Variants in DHX34 observed in about 807,000 individuals in gnomAD.
The protein encoded by DHX34 is probable ATP-dependent RNA helicase DHX34.
A neutral mutation model predicts 111.1 loss-of-function variants in DHX34; 96 were observed. The ratio of observed to expected loss-of-function variants is 0.86; its 90% CI spans 0.73 to 1.02. The LOEUF is 1.02. Ranked by LOEUF, DHX34 falls within the 50% of genes least tolerant of loss-of-function variation. The pLI is 0.00. For missense variants in DHX34, 1,560 were observed against 1,579.9 expected (o/e 0.99, Z 0.21); for synonymous variants, 688 against 670.4 (o/e 1.03, Z -0.41).
chr19:47,377,980 C>T (rs1343385265), intron 13 of DHX34, among the ~76,000 whole-genome samples: 1 of 152,150 alleles, frequency 6.6e-6, no homozygotes, highest in East Asian at 1.9e-4. Context: ...TCACGCAGCC[C>T]TGTGGGTCTC....
At chr19:47,381,677 T>C (rs574409219) in intron 16 of DHX34, 2 of 640,556 alleles carry the variant, frequency 3.1e-6, no homozygotes, top group South Asian at 2.2e-5. Context: ...TGCCACACAC[T>C]GGGGTTCAGT....
chr19:47,372,573 G>A, intron 7 of DHX34, 157 bp from the exon 8 acceptor site: 2 of 982,926 alleles, frequency 2.0e-6, no homozygotes, highest in Non-Finnish European at 2.4e-6. Context: ...CACAGCGCGT[G>A]GGTTTGAATC....
intron 7 of DHX34, among the ~76,000 whole-genome samples, chr19:47,371,332 C>T (rs1024084483): frequency 2.0e-5 from 3 of 152,228 alleles, no homozygotes; most frequent in African/African-American, 7.2e-5. Context: ...AACTGAGAGG[C>T]ACGGATGACC....
Position 47,353,348 on chromosome 19 carries a change from C to G in DHX34, c.318C>G (p.Ile106Met). ...GCACTTACGACCCACGTTACCGCAT[C>G]AACCTCTCTGTTCTTGGCCCTGCCA... is the stretch of plus-strand genomic sequence containing the variant. ...LPRTYDPRYR[I>M]NLSVLGPATR... The change falls in exon 2 of 17, where the codon ATC (isoleucine) becomes ATG (methionine). Residue 106 changes from isoleucine (I) to methionine (M), a missense_variant. By Grantham distance (10) the Ile-to-Met change is conservative (BLOSUM62 1). Transcript: ENST00000328771. The surrounding 1 kb of genome is among the most constrained non-coding windows in gnomAD (Gnocchi z 4.6). 1 of 1,614,200 alleles carries G rather than the reference C, an allele frequency of 6.2e-7. No individual in the cohort carries two copies. The highest frequency in any genetic ancestry group is 8.5e-7 in the Non-Finnish European group (1 of 1,180,036).
intron 7 of DHX34, among the ~76,000 whole-genome samples, chr19:47,372,328 G>C (rs576608186): frequency 6.6e-6 from 1 of 152,182 alleles, no homozygotes; most frequent in South Asian, 2.1e-4. Context: ...CTCTAGCGCG[G>C]AGGAGAGACG....
intron 4 of DHX34, chr19:47,359,751 CA>C (rs888376575): frequency 1.3e-6 from 1 of 744,772 alleles, no homozygotes; most frequent in African/African-American, 1.9e-5. Context: ...CACTGCACTC[CA>C]GCCTGGGCGA....
intron 14 of DHX34, 22 bp downstream of exon 14, chr19:47,380,007 G>T: frequency 6.4e-7 from 1 of 1,557,758 alleles, no homozygotes; most frequent in Non-Finnish European, 8.7e-7. Context: ...CAGGGTGCCC[G>T]TGCCTCCCTA....
At position 47,360,051 on chromosome 19, in the gene DHX34, C is replaced by A. The variant is rs1163832830; in HGVS notation, c.1356C>A (p.Ile452=). 6.2e-7 allele frequency: 1 copy of A among 1,613,946 alleles called. No individual in the cohort carries two copies. Residue 452 remains isoleucine, a synonymous_variant, in exon 5 of 17, where the codon ATC becomes ATA. Transcript: ENST00000328771. ...AGACCTCAGTCACCATTGACGGGATCCGCTTCGTAGTAGATTCCGGTAAGG... is the reference window on the plus strand; with the variant it reads ...AGACCTCAGTCACCATTGACGGGATACGCTTCGTAGTAGATTCCGGTAAGG... The part of the protein sequence containing the change: ...IAETSVTIDG[I]RFVVDSGKVK...
At position 47,376,421 on chromosome 19, in the gene DHX34, GCTTT is replaced by G. The variant is rs1568406040; in HGVS notation, c.2482-19_2482-16del. Reference sequence around the variant, plus strand: ...GGAGAGAGCAGATAGGAGGGCTTGTGCTTTCTCTCTGTCCTCCGCAGATTTTCCA... The same window carrying G: ...GGAGAGAGCAGATAGGAGGGCTTGTGCTCTCTGTCCTCCGCAGATTTTCCA... On this transcript the variant is annotated intron_variant, in intron 11 of 16. Coordinates refer to ENST00000328771, the MANE Select transcript of DHX34 (RefSeq NM_014681.6). The G allele has an allele frequency of 3.7e-6, 6 of 1,605,692 alleles. No individual in the cohort carries two copies. The highest frequency in any genetic ancestry group is 5.1e-6 in the Non-Finnish European group (6 of 1,176,840).
chr19:47,372,136 C>G (rs1969982415), intron 7 of DHX34, among the ~76,000 whole-genome samples: 1 of 151,824 alleles, frequency 6.6e-6, no homozygotes, highest in African/African-American at 2.4e-5. Flanking sequence ...CTCCCCTTTC[C>G]CTACCTCTCC....
In DHX34 at chr19:47,379,845, G is replaced by A; in HGVS notation, c.2842G>A (p.Ala948Thr). 6.2e-7 allele frequency: 1 copy of A among 1,613,818 alleles called. No homozygotes were observed. The highest frequency in any genetic ancestry group is 8.5e-7 in the Non-Finnish European group (1 of 1,179,852). Reference protein sequence around the residue: ...RLLAASLRLRARWESALDRQL... With the variant: ...RLLAASLRLRTRWESALDRQL... Reference sequence around the variant, plus strand: ...CCTGGCGGCTTCCCTGCGGCTCCGTGCCCGCTGGGAAAGTGCCCTGGACCG... The same window carrying A: ...CCTGGCGGCTTCCCTGCGGCTCCGTACCCGCTGGGAAAGTGCCCTGGACCG... The change falls in exon 14 of 17, where the codon GCC becomes ACC. Residue 948 changes from alanine (A) to threonine (T), a missense_variant. Transcript: ENST00000328771.
chr19:47,369,347 G>A (rs1247494702), intron 7 of DHX34, among the ~76,000 whole-genome samples: 1 of 152,074 alleles, frequency 6.6e-6, no homozygotes, highest in Non-Finnish European at 1.5e-5. Context: ...TCACCATGTC[G>A]GCCGTGCTGG....
intron 12 of DHX34, 194 bp from the exon 13 acceptor site, chr19:47,376,906 T>C (rs1226584162): frequency 6.5e-7 from 1 of 1,535,190 alleles, no homozygotes; most frequent in Admixed American, 2.0e-5. Context: ...GAAGGGTGTC[T>C]CGCTGCAGGC....
chr19:47,360,118 G>T, intron 5 of DHX34, 48 bp downstream of exon 5: 1 of 1,581,452 alleles, frequency 6.3e-7, no homozygotes. Flanking sequence ...GGACTTAGGA[G>T]CATGGGGTCC....
intron 9 of DHX34, among the ~76,000 whole-genome samples, chr19:47,374,155 C>T (rs892716799): frequency 1.3e-5 from 2 of 152,106 alleles, no homozygotes; most frequent in African/African-American, 4.8e-5. Flanking sequence ...ATAGCACTTG[C>T]CAGCCGGGCG....
chr19:47,379,515 C>G, intron 13 of DHX34, 195 bp from the exon 14 acceptor site: 1 of 920,694 alleles, frequency 1.1e-6, no homozygotes, highest in Non-Finnish European at 1.3e-6. Flanking sequence ...CCTTCCCTGA[C>G]TCAGCGGCTG....
intron 6 of DHX34, among the ~76,000 whole-genome samples, chr19:47,363,881 C>T (rs1247338038): frequency 6.6e-6 from 1 of 151,288 alleles, no homozygotes; most frequent in African/African-American, 2.4e-5. Flanking sequence ...AATCAGAATG[C>T]TTTCAGCTGT....
intron 9 of DHX34, chr19:47,375,239 A>T: frequency 1.0e-6 from 1 of 971,576 alleles, no homozygotes; most frequent in Non-Finnish European, 1.2e-6. Context: ...AAGGCACTGG[A>T]CGCCCGCACC....
At chr19:47,372,568 C>A (rs532066220) in intron 7 of DHX34, 162 bp from the exon 8 acceptor site, 17 of 979,844 alleles carry the variant, frequency 1.7e-5, no homozygotes, top group Non-Finnish European at 2.1e-5. Flanking sequence ...GAAAGCACAG[C>A]GCGTGGGTTT....
Sources: allele counts gnomAD v4.1 joint callset (sites outside exome capture counted in the v4.1 genomes callset), GRCh38; gene constraint gnomAD v4.1.1; non-coding constraint Gnocchi (gnomAD v3.1); transcripts MANE v1.5; gene names NCBI Gene and HGNC (gene_info 2026-07-23, HGNC 2026-07-21).